The following TNFAIP8 variants were observed in gnomAD, a reference collection of about 807,000 sequenced individuals.
TNFAIP8 encodes TNF alpha induced protein 8, also known as tumor necrosis factor alpha-induced protein 8.
In TNFAIP8, 7 loss-of-function variants were observed where a neutral mutation model predicts 13.3. That is an observed-to-expected ratio of 0.52 (90% CI 0.30 to 0.99). TNFAIP8 has a LOEUF of 0.99. Among genes scored for constraint, TNFAIP8 ranks in the 50% least tolerant of loss-of-function variants. The pLI, the probability that TNFAIP8 is intolerant of heterozygous loss-of-function variation, is 0.07. For missense variants in TNFAIP8, 258 were observed against 236.9 expected, an observed-to-expected ratio of 1.09 and a Z score of -0.58; for synonymous variants, 94 against 87.6, an observed-to-expected ratio of 1.07 and a Z score of -0.41.
At chr5:119,365,751 TA>T (rs1167618547) in intron 1 of TNFAIP8, among the ~76,000 whole-genome samples, 1 of 152,202 alleles carries the variant, frequency 6.6e-6, no homozygotes, top group Non-Finnish European at 1.5e-5. Flanking sequence ...TTGCATCAGT[TA>T]TGAAATATCT....
At chr5:119,356,239 C>G (rs1324866744) in intron 1 of TNFAIP8, 118 bp downstream of exon 1, 4 of 939,756 alleles carry the variant, frequency 4.3e-6, no homozygotes, top group Non-Finnish European at 4.6e-6. Flanking sequence ...TCCGCTTGCC[C>G]TGCGCCTTCG....
At chr5:119,334,768 C>T (rs762915322) in intron 1 of TNFAIP8, among the ~76,000 whole-genome samples, 78 of 151,300 alleles carry the variant, frequency 5.2e-4, no homozygotes, top group Admixed American at 8.6e-4. Context: ...AGTGAGACTC[C>T]GTCTCAAAAA....
intron 1 of TNFAIP8, among the ~76,000 whole-genome samples, chr5:119,388,403 G>T (rs111363302): frequency 0.011 from 1,641 of 152,270 alleles, 14 homozygotes; most frequent in Non-Finnish European, 0.019. Flanking sequence ...TCATAGAAAA[G>T]TATTTGAGTA....
chr5:119,340,918 C>T (rs1182193647), intron 1 of TNFAIP8, among the ~76,000 whole-genome samples: 4 of 152,090 alleles, frequency 2.6e-5, no homozygotes, highest in African/African-American at 9.7e-5. Context: ...TGGATGTTGG[C>T]TGCCAGGCTT....
In TNFAIP8 at chr5:119,304,567, TA is replaced by T. The variant is rs1187785739; in HGVS notation, c.1+35661del. On this transcript the variant is annotated intron_variant, in intron 1 of 1. Coordinates refer to the TNFAIP8 transcript ENST00000274456. ...GGCAAAGTCCTTAAAACTTGCACCT[TA>T]GAATTACCTGAATATGATGCCTAGT... Among the ~76,000 whole-genome samples, 9 of 152,330 alleles carry T rather than the reference TA, an allele frequency of 5.9e-5. No homozygotes were observed. In the South Asian group the frequency reaches 1.0e-3, roughly 18 times the overall value.
chr5:119,392,392 ATT>A (rs11348290), intron 1 of TNFAIP8, among the ~76,000 whole-genome samples: 4 of 150,358 alleles, frequency 2.7e-5, no homozygotes, highest in African/African-American at 7.3e-5. Context: ...TTGATTTTGT[ATT>A]TTTTTTTTTG....
At chr5:119,293,406 T>G (rs1317730675) in intron 1 of TNFAIP8, among the ~76,000 whole-genome samples, 2 of 152,210 alleles carry the variant, frequency 1.3e-5, no homozygotes, top group African/African-American at 2.4e-5. Context: ...ATTTCTGAGT[T>G]CAGCTTTTTT....
At chr5:119,355,254 G>A, upstream of TNFAIP8, 1 of 697,666 alleles carries the variant, frequency 1.4e-6, no homozygotes, top group Non-Finnish European at 2.6e-6. Context: ...GTAGCCGGGA[G>A]GGAACCGTGC....
intron 1 of TNFAIP8, among the ~76,000 whole-genome samples, chr5:119,362,396 A>G (rs1751668550): frequency 6.6e-6 from 1 of 152,160 alleles, no homozygotes; most frequent in Non-Finnish European, 1.5e-5. Flanking sequence ...GGTAACAGAG[A>G]TAAGACCCTG....
At chr5:119,287,564 T>C (rs2150808572) in intron 1 of TNFAIP8, among the ~76,000 whole-genome samples, 1 of 152,256 alleles carries the variant, frequency 6.6e-6, no homozygotes, top group Middle Eastern at 3.4e-3. Flanking sequence ...TTACTCATCT[T>C]ATAACTGAAG....
At chr5:119,302,751 G>A (rs1749435707) in intron 1 of TNFAIP8, among the ~76,000 whole-genome samples, 1 of 152,108 alleles carries the variant, frequency 6.6e-6, no homozygotes, top group African/African-American at 2.4e-5. Context: ...TCGTTCACCT[G>A]CCAAAACAAG....
At chr5:119,284,138 T>A (rs73248978) in intron 1 of TNFAIP8, among the ~76,000 whole-genome samples, 3 of 152,144 alleles carry the variant, frequency 2.0e-5, no homozygotes, top group African/African-American at 7.2e-5. Context: ...ATTTTAAAGA[T>A]GGGAAAACAG....
At chr5:119,301,516 G>A (rs952743702) in intron 1 of TNFAIP8, among the ~76,000 whole-genome samples, 1 of 152,138 alleles carries the variant, frequency 6.6e-6, no homozygotes, top group Non-Finnish European at 1.5e-5. Flanking sequence ...TTGATTATAT[G>A]TGGTTTTGCC....
rs1291135406 is a variant in TNFAIP8 at position 119,398,393 on chromosome 5, C to T, written c.*5012C>T. 1 of 152,116 alleles carries T rather than the reference C, an allele frequency of 6.6e-6. No homozygotes were observed. Among genetic ancestry groups the T allele is most frequent in the Non-Finnish European group, 1.5e-5 (1 of 68,038 alleles). 9.4% of individuals were successfully genotyped at this position (152,116 alleles called of 1,614,324 possible). A position where few individuals can be genotyped will look rare whatever the true frequency, so the allele number is the denominator to read the frequency against. ...TACAGATGAATTCATTCGTTTAAAA[C>T]TGCCAGGCTGAGTGCGGTGGCTCAT... is the stretch of plus-strand genomic sequence containing the variant. On this transcript the variant is annotated 3_prime_UTR_variant, in exon 2 of 2. Transcript: ENST00000504771.
At chr5:119,290,430 C>T (rs1345513657) in intron 1 of TNFAIP8, among the ~76,000 whole-genome samples, 1 of 152,182 alleles carries the variant, frequency 6.6e-6, no homozygotes, top group African/African-American at 2.4e-5. Context: ...CAGGAAATCT[C>T]ACTTCCTCAA....
In TNFAIP8 at chr5:119,299,798, C is replaced by G. The variant is rs1210735372; in HGVS notation, c.1+30891C>G. 2.0e-5 allele frequency among the ~76,000 whole-genome samples: 3 copies of G among 152,224 alleles called. No homozygotes were observed. The East Asian group carries it at 5.8e-4, about 29-fold the overall frequency. On this transcript the variant is annotated intron_variant, in intron 1 of 1. Transcript: ENST00000274456. ...TTCCTGGCTGCTTTGTTTACCTAAG[C>G]AAGCCTGGGAAATGGCGGGCGCCCT...
At chr5:119,355,743 CCCT>C (rs1751373247), upstream of TNFAIP8, 1 of 254,072 alleles carries the variant, frequency 3.9e-6, no homozygotes, top group Non-Finnish European at 7.1e-6. Context: ...TTCTTCTCGG[CCCT>C]GTGTCTCGGG....
At chr5:119,333,525 A>G in intron 1 of TNFAIP8, 1 of 1,533,492 alleles carries the variant, frequency 6.5e-7, no homozygotes, top group South Asian at 1.2e-5. Context: ...TCCATAGTGT[A>G]CACGTCAACA....
At position 119,386,150 on chromosome 5, in the gene TNFAIP8, C is replaced by T. The variant is rs369622469; in HGVS notation, c.32-6666C>T. On this transcript the variant is annotated intron_variant, in intron 1 of 1. Coordinates refer to ENST00000504771, the MANE Select transcript of TNFAIP8 (RefSeq NM_014350.4). ...GCAGTCTTTTTAAAAAAAATGTTTT[C>T]GGTGGAAAACATTCTAATATGTGTT... is the stretch of plus-strand genomic sequence containing the variant. Among the ~76,000 whole-genome samples the T allele has an allele frequency of 5.3e-4, 80 of 152,150 alleles. 1 individual carries two copies. Among genetic ancestry groups the T allele is most frequent in the Middle Eastern group, 3.4e-3 (1 of 294 alleles).
Sources: gnomAD v4.1 joint callset for allele counts (sites outside exome capture counted in the v4.1 genomes callset) on GRCh38, gnomAD v4.1.1 for gene constraint, MANE v1.5 for transcripts, NCBI Gene and HGNC (gene_info 2026-07-23, HGNC 2026-07-21) for gene names.